Variants in MACROD2 observed in about 807,000 individuals in gnomAD.
The protein encoded by MACROD2 is ADP-ribose glycohydrolase MACROD2.
Under a neutral mutation model 70.4 loss-of-function variants are expected in MACROD2, and 36 were observed. That is an observed-to-expected ratio of 0.51 (90% CI 0.39 to 0.68). MACROD2 has a LOEUF of 0.68. MACROD2 is among the 30% of genes least tolerant of loss of function. The pLI is 0.00. For synonymous variants in MACROD2, 172 were observed against 178.8 expected (o/e 0.96, Z 0.30); for missense variants, 496 against 538.4 (o/e 0.92, Z 0.78).
intron 6 of MACROD2, among the ~76,000 whole-genome samples, chr20:15,420,332 C>T (rs1489124752): frequency 2.0e-5 from 3 of 152,040 alleles, no homozygotes; most frequent in African/African-American, 4.8e-5. Flanking sequence ...AATGACTTTA[C>T]GACAGCTATT....
rs78884696 is a variant in MACROD2, at chr20:14,729,627, C to T, written c.418+44668C>T. On this transcript the variant is annotated intron_variant, in intron 5 of 17. Transcript: ENST00000684519. ...AATGGATTGGCGGCACACATTCATG[C>T]GACTTATTTGCTCAAAAACTCCCAA... Among the ~76,000 whole-genome samples the T allele has an allele frequency of 7.2e-3, 1,096 of 152,048 alleles. 50 individuals carry two copies. In the East Asian group the frequency reaches 0.11, roughly 16 times the overall value.
At chr20:14,190,998 C>T (rs1162219276) in intron 3 of MACROD2, among the ~76,000 whole-genome samples, 6 of 152,024 alleles carry the variant, frequency 3.9e-5, no homozygotes, top group East Asian at 3.9e-4. Flanking sequence ...TGAGCCACCG[C>T]GCCTGGCCAT....
chr20:15,716,279 A>G (rs2050706221), intron 8 of MACROD2, among the ~76,000 whole-genome samples: 1 of 152,218 alleles, frequency 6.6e-6, no homozygotes, highest in East Asian at 1.9e-4. Flanking sequence ...TAGAGGAAGA[A>G]TCTCTCCTAC....
chr20:15,870,133 G>C (rs962404768), intron 9 of MACROD2, among the ~76,000 whole-genome samples: 1 of 151,728 alleles, frequency 6.6e-6, no homozygotes, highest in Non-Finnish European at 1.5e-5. Context: ...AAATATTATT[G>C]ATATGAATAT....
intron 4 of MACROD2, 61 bp downstream of exon 4, chr20:14,493,569 A>G: frequency 7.3e-7 from 1 of 1,373,046 alleles, no homozygotes; most frequent in South Asian, 1.2e-5. Flanking sequence ...ACTACAAGAT[A>G]TTTAGTAAGT....
intron 5 of MACROD2, among the ~76,000 whole-genome samples, chr20:14,743,954 C>T (rs2327886): frequency 0.67 from 101,303 of 151,810 alleles, 34,683 homozygotes; most frequent in Non-Finnish European, 0.75. Flanking sequence ...GAAGTAGGGG[C>T]CACAAGCCAA....
At chr20:15,539,854 G>A (rs1412941314) in intron 8 of MACROD2, among the ~76,000 whole-genome samples, 1 of 152,196 alleles carries the variant, frequency 6.6e-6, no homozygotes, top group Non-Finnish European at 1.5e-5. Flanking sequence ...CAGGCATGGT[G>A]GCAGGCGCCT....
At chr20:14,577,490 T>A (rs2123336033) in intron 4 of MACROD2, among the ~76,000 whole-genome samples, 1 of 152,222 alleles carries the variant, frequency 6.6e-6, no homozygotes, top group African/African-American at 2.4e-5. Context: ...TGGAACTATA[T>A]AAGAGGGACT....
At chr20:15,811,758 T>C (rs1391299859) in intron 8 of MACROD2, among the ~76,000 whole-genome samples, 2 of 151,898 alleles carry the variant, frequency 1.3e-5, no homozygotes, top group South Asian at 2.1e-4. Flanking sequence ...GGGGAGGAAA[T>C]AGAGATGGTA....
intron 3 of MACROD2, among the ~76,000 whole-genome samples, chr20:14,153,057 AAC>A (rs2055047706): frequency 6.6e-6 from 1 of 152,212 alleles, no homozygotes; most frequent in Non-Finnish European, 1.5e-5. Flanking sequence ...GTCAATAATC[AAC>A]TCTTCATTTT....
chr20:15,953,456 A>G (rs2147371993), intron 12 of MACROD2, among the ~76,000 whole-genome samples: 1 of 152,278 alleles, frequency 6.6e-6, no homozygotes, highest in South Asian at 2.1e-4. Context: ...ATACGTATTG[A>G]AACATCACCA....
intron 5 of MACROD2, among the ~76,000 whole-genome samples, chr20:14,701,636 T>G (rs1404790946): frequency 2.0e-5 from 3 of 152,210 alleles, no homozygotes; most frequent in African/African-American, 7.2e-5. Context: ...GATTTTTACG[T>G]TATAAACCAG....
chr20:15,843,231 A>C (rs2064193669), intron 8 of MACROD2, among the ~76,000 whole-genome samples: 1 of 152,180 alleles, frequency 6.6e-6, no homozygotes, highest in African/African-American at 2.4e-5. Flanking sequence ...CCATTTCCCT[A>C]TTCTTATTAA....
intron 8 of MACROD2, among the ~76,000 whole-genome samples, chr20:15,825,563 A>G (rs138756993): frequency 1.3e-5 from 2 of 152,102 alleles, no homozygotes; most frequent in African/African-American, 2.4e-5. Flanking sequence ...CAGTGGCCCA[A>G]TCTTGGCTCA....
In MACROD2 at chr20:14,326,940, A is replaced by G. The variant is rs767737045; in HGVS notation, c.272-166539A>G. 8 of 1,613,668 alleles carry G rather than the reference A, an allele frequency of 5.0e-6. No individual in the cohort carries two copies. The South Asian group carries it at 8.8e-5, about 18-fold the overall frequency. On this transcript the variant is annotated intron_variant, in intron 3 of 17. Transcript: ENST00000684519. This position sits in a 1 kb window ranked among gnomAD's most constrained non-coding sequence, Gnocchi z 5.5. Reference sequence around the variant, plus strand: ...GACCTTGAAGAGATGGTGATGAAATAGTGGATATGCGATTATCATCCAAGC... The same window carrying G: ...GACCTTGAAGAGATGGTGATGAAATGGTGGATATGCGATTATCATCCAAGC...
intron 3 of MACROD2, among the ~76,000 whole-genome samples, chr20:14,247,075 C>T (rs974978923): frequency 5.9e-5 from 9 of 152,236 alleles, no homozygotes; most frequent in South Asian, 2.1e-4. Flanking sequence ...TAACCATAAA[C>T]GAATCTGTGC....
chr20:14,151,475 A>G (rs938927933), intron 3 of MACROD2, among the ~76,000 whole-genome samples: 6 of 152,200 alleles, frequency 3.9e-5, no homozygotes, highest in Admixed American at 1.3e-4. Flanking sequence ...TGGCATGGAA[A>G]TGTTAGCCAG....
chr20:15,737,020 T>C (rs1334936829), intron 8 of MACROD2, among the ~76,000 whole-genome samples: 1 of 152,160 alleles, frequency 6.6e-6, no homozygotes, highest in Non-Finnish European at 1.5e-5. Flanking sequence ...ATGAATTAGG[T>C]TGATGGCAGG....
chr20:14,291,919 G>A (rs929511014), intron 3 of MACROD2, among the ~76,000 whole-genome samples: 2 of 151,852 alleles, frequency 1.3e-5, no homozygotes, highest in African/African-American at 4.9e-5. Context: ...TTCACTAAAG[G>A]AGTGCTCTCA....
Sources: gnomAD v4.1 joint callset for allele counts (sites outside exome capture counted in the v4.1 genomes callset) on GRCh38, gnomAD v4.1.1 for gene constraint, Gnocchi (gnomAD v3.1) non-coding constraint, MANE v1.5 for transcripts, NCBI Gene and HGNC (gene_info 2026-07-23, HGNC 2026-07-21) for gene names.